Variants in SUPT3H observed in about 807,000 individuals in gnomAD.
The protein encoded by SUPT3H is transcription initiation protein SPT3 homolog.
SUPT3H carries 44 observed loss-of-function variants against 44.3 expected under a neutral mutation model. The ratio of observed to expected loss-of-function variants is 0.99; its 90% CI spans 0.78 to 1.28. The LOEUF (loss-of-function observed/expected upper bound fraction) is 1.28, where lower values mean the gene tolerates loss of function less well. SUPT3H is among the 50% of genes most tolerant of loss of function. SUPT3H has a pLI of 0.00. For synonymous variants in SUPT3H, 124 were observed against 125.6 expected (o/e 0.99, Z 0.09); for missense variants, 380 against 387.1 (o/e 0.98, Z 0.15).
chr6:45,236,160 C>T (rs1391414151), intron 2 of SUPT3H, among the ~76,000 whole-genome samples: 1 of 152,314 alleles, frequency 6.6e-6, no homozygotes, highest in East Asian at 1.9e-4. Flanking sequence ...ACTCCACACG[C>T]TATATTTGTG....
intron 2 of SUPT3H, among the ~76,000 whole-genome samples, chr6:45,197,053 T>C (rs1350351772): frequency 6.6e-6 from 1 of 151,690 alleles, no homozygotes; most frequent in Non-Finnish European, 1.5e-5. Context: ...TATGCTAAAT[T>C]CAACAGTGGA....
intron 2 of SUPT3H, among the ~76,000 whole-genome samples, chr6:45,166,553 C>G (rs183952036): frequency 1.1e-3 from 165 of 145,012 alleles, no homozygotes; most frequent in African/African-American, 4.0e-3. Flanking sequence ...CCACTGCACT[C>G]CAGCCTGGGC....
At chr6:45,205,338 C>G (rs575481790) in intron 2 of SUPT3H, among the ~76,000 whole-genome samples, 33 of 152,278 alleles carry the variant, frequency 2.2e-4, no homozygotes, top group Non-Finnish European at 4.7e-4. Context: ...CGAGTTTGCA[C>G]TATTGGAATG....
intron 10 of SUPT3H, among the ~76,000 whole-genome samples, chr6:44,899,538 T>G (rs1021270086): frequency 6.6e-6 from 1 of 151,854 alleles, no homozygotes; most frequent in African/African-American, 2.4e-5. Flanking sequence ...ATACAAAAAA[T>G]TAGCCAGGTG....
At chr6:45,307,829 G>A (rs1008525794) in intron 2 of SUPT3H, among the ~76,000 whole-genome samples, 4 of 152,168 alleles carry the variant, frequency 2.6e-5, no homozygotes, top group African/African-American at 9.7e-5. Flanking sequence ...CCGAGCTAAA[G>A]GAGGAAGTTC....
At chr6:45,059,602 G>A (rs1791660468) in intron 3 of SUPT3H, among the ~76,000 whole-genome samples, 1 of 152,052 alleles carries the variant, frequency 6.6e-6, no homozygotes, top group African/African-American at 2.4e-5. Flanking sequence ...TCAGGCAAGA[G>A]AAAGAAATAA....
intron 3 of SUPT3H, among the ~76,000 whole-genome samples, chr6:45,103,322 T>C (rs1797157): frequency 0.02 from 3,102 of 152,288 alleles, 43 homozygotes; most frequent in Non-Finnish European, 0.032. Flanking sequence ...AAGCATCTAC[T>C]GTAATAAGAG....
At chr6:44,863,057 TC>T (rs1260900901) in intron 10 of SUPT3H, among the ~76,000 whole-genome samples, 2 of 151,480 alleles carry the variant, frequency 1.3e-5, no homozygotes, top group East Asian at 3.9e-4. Flanking sequence ...TTATAAAAAC[TC>T]CCCTCAAAGA....
At chr6:45,374,901 G>A (rs974801238) in intron 1 of SUPT3H, among the ~76,000 whole-genome samples, 2 of 152,086 alleles carry the variant, frequency 1.3e-5, no homozygotes, top group Non-Finnish European at 1.5e-5. Flanking sequence ...CAGTAATTTT[G>A]TCACTGTTTT....
At chr6:45,284,618 A>G (rs1192953578) in intron 2 of SUPT3H, among the ~76,000 whole-genome samples, 1 of 152,208 alleles carries the variant, frequency 6.6e-6, no homozygotes, top group East Asian at 1.9e-4. Context: ...TACCAACCAA[A>G]AAAAGTCCAG....
intron 2 of SUPT3H, among the ~76,000 whole-genome samples, chr6:45,141,338 C>CAAAAAAAA (rs1162738855): frequency 1.1e-3 from 51 of 45,258 alleles, no homozygotes; most frequent in African/African-American, 2.9e-3. Flanking sequence ...GACTCCATCT[C>CAAAAAAAA]AAAAAAAAAA....
At chr6:44,910,982 G>A (rs1334129341) in intron 10 of SUPT3H, among the ~76,000 whole-genome samples, 3 of 105,268 alleles carry the variant, frequency 2.8e-5, no homozygotes, top group Non-Finnish European at 5.2e-5. Context: ...GCAACAGAGT[G>A]AGACTCCATC....
chr6:45,130,875 G>A (rs1021365571), intron 2 of SUPT3H, among the ~76,000 whole-genome samples: 21 of 151,662 alleles, frequency 1.4e-4, no homozygotes, highest in African/African-American at 4.6e-4. Flanking sequence ...GTGCCACCAC[G>A]CCCAGCTAAT....
intron 9 of SUPT3H, among the ~76,000 whole-genome samples, chr6:44,951,396 T>A (rs765257383): frequency 1.3e-5 from 2 of 152,166 alleles, no homozygotes; most frequent in Non-Finnish European, 2.9e-5. Flanking sequence ...AGAGTCCCAC[T>A]TTGGACTCAA....
At chr6:45,201,703 T>C (rs1762479699) in intron 2 of SUPT3H, among the ~76,000 whole-genome samples, 1 of 151,802 alleles carries the variant, frequency 6.6e-6, no homozygotes, top group Admixed American at 6.6e-5. Context: ...TCCAGCCAAA[T>C]CTTCATTCTA....
At chr6:44,843,381 C>T (rs1004667138) in intron 10 of SUPT3H, among the ~76,000 whole-genome samples, 2 of 152,056 alleles carry the variant, frequency 1.3e-5, no homozygotes. Flanking sequence ...ACCTATTTCA[C>T]CATTAATACC....
At chr6:45,296,912 C>A (rs1388804346) in intron 2 of SUPT3H, among the ~76,000 whole-genome samples, 1 of 140,114 alleles carries the variant, frequency 7.1e-6, no homozygotes, top group Middle Eastern at 3.9e-3. Flanking sequence ...GCCTGGCTGA[C>A]AGAGTGAGAT....
In SUPT3H at chr6:45,334,284, T is replaced by C. The variant is rs370149917; in HGVS notation, c.101+30917A>G. 5.3e-5 allele frequency among the ~76,000 whole-genome samples: 8 copies of C among 151,236 alleles called. No individual in the cohort carries two copies. The South Asian group carries it at 1.2e-3, about 24-fold the overall frequency. On this transcript the variant is annotated intron_variant, in intron 2 of 10. Transcript: ENST00000371459. Reference sequence around the variant, plus strand: ...AATGATGTCTACCAGAATCATTATATACCATCAACTATAAACATATATTTA... The same window carrying C: ...AATGATGTCTACCAGAATCATTATACACCATCAACTATAAACATATATTTA...
At chr6:44,815,760 T>C (rs544188430) in intron 11 of SUPT3H, among the ~76,000 whole-genome samples, 3 of 152,210 alleles carry the variant, frequency 2.0e-5, no homozygotes, top group South Asian at 2.1e-4. Flanking sequence ...TTCTCAGTAA[T>C]TGATTGTAAA....
Sources: gnomAD v4.1 joint callset for allele counts (sites outside exome capture counted in the v4.1 genomes callset) on GRCh38, gnomAD v4.1.1 for gene constraint, MANE v1.5 for transcripts, NCBI Gene and HGNC (gene_info 2026-07-23, HGNC 2026-07-21) for gene names.